Variants in ZHX3 observed in about 807,000 individuals in gnomAD.
ZHX3 encodes the protein zinc fingers and homeoboxes 3.
Under a neutral mutation model 64.5 loss-of-function variants are expected in ZHX3, and 20 were observed. The observed-to-expected ratio is 0.31, with a 90% CI of 0.22 to 0.45. The LOEUF (loss-of-function observed/expected upper bound fraction) is 0.45, where lower values mean the gene tolerates loss of function less well. ZHX3 is among the 20% of genes least tolerant of loss of function. The probability of loss-of-function intolerance (pLI) is 1.00; values close to 1 mark genes in which losing one functional copy is unlikely to be tolerated. For missense variants in ZHX3, 1,041 were observed against 1,195.8 expected, an observed-to-expected ratio of 0.87 and a Z score of 1.91; for synonymous variants, 423 against 461.6, an observed-to-expected ratio of 0.92 and a Z score of 1.07.
chr20:41,238,013 C>T (rs896689952), intron 2 of ZHX3, among the ~76,000 whole-genome samples: 6 of 152,196 alleles, frequency 3.9e-5, no homozygotes, highest in African/African-American at 1.4e-4. Context: ...CAGTGCTGCA[C>T]CACTCAGCTA....
intron 2 of ZHX3, among the ~76,000 whole-genome samples, chr20:41,259,183 A>C (rs147001657): frequency 1.8e-4 from 28 of 152,292 alleles, no homozygotes; most frequent in African/African-American, 6.0e-4. Flanking sequence ...ACTTTGGGCA[A>C]GTTGCCTAAT....
intron 2 of ZHX3, among the ~76,000 whole-genome samples, chr20:41,240,758 T>C (rs2041329066): frequency 1.3e-5 from 2 of 152,212 alleles, no homozygotes; most frequent in Non-Finnish European, 2.9e-5. Flanking sequence ...ACTGAGAACA[T>C]GCAAAGTTTG....
At chr20:41,246,166 A>G (rs1432066480) in intron 2 of ZHX3, among the ~76,000 whole-genome samples, 2 of 152,254 alleles carry the variant, frequency 1.3e-5, no homozygotes, top group Non-Finnish European at 2.9e-5. Flanking sequence ...AGAATCATTC[A>G]TTCGTCCTGG....
intron 2 of ZHX3, among the ~76,000 whole-genome samples, chr20:41,233,606 C>A (rs2040769143): frequency 6.6e-6 from 1 of 152,138 alleles, no homozygotes; most frequent in South Asian, 2.1e-4. Flanking sequence ...ATTCACAGTG[C>A]AGTAGGGGAA....
At chr20:41,313,364 C>G (rs968427055) in intron 1 of ZHX3, among the ~76,000 whole-genome samples, 1 of 151,964 alleles carries the variant, frequency 6.6e-6, no homozygotes, top group Non-Finnish European at 1.5e-5. Context: ...CATCTGCATC[C>G]AGGGGGTTCT....
chr20:41,202,109 C>A lies in ZHX3; in HGVS notation c.2808G>T (p.Glu936Asp), dbSNP rs767257062. The A allele has an allele frequency of 6.2e-7, 1 of 1,613,586 alleles. No homozygotes were observed. Among genetic ancestry groups the A allele is most frequent in the African/African-American group, 1.3e-5 (1 of 75,028 alleles). The change falls in exon 3 of 4, where the codon GAG becomes GAT. Residue 936 changes from glutamate to aspartate, a missense_variant. Glu to Asp is a conservative substitution (Grantham distance 45, BLOSUM62 2). Coordinates refer to ENST00000683867, the MANE Select transcript of ZHX3 (RefSeq NM_001384317.1). This position sits in a 1 kb window ranked among gnomAD's most constrained non-coding sequence, Gnocchi z 7.0. The stretch of plus-strand genomic sequence containing the variant: ...ATGTGTCAAAGGGCTCTGAGCTGGC[C>A]TCAGGGACACGGGGCTCCCACGACT... ...NSESWEPRVP[E>D]ASSEPFDTSS...
In ZHX3 at chr20:41,191,015, T is replaced by C. The variant is rs972774640; in HGVS notation, c.2861-5814A>G. ...ATAATGTGCCATAGAGAATACCTTT[T>C]TGCACTGTATCCATTTAGAGGCTAT... is the stretch of plus-strand genomic sequence containing the variant. On this transcript the variant is annotated intron_variant, in intron 3 of 3. Transcript: ENST00000683867. Among the ~76,000 whole-genome samples, 8 of 152,352 alleles carry C rather than the reference T, an allele frequency of 5.3e-5. No individual in the cohort carries two copies. The East Asian group carries it at 1.3e-3, about 26-fold the overall frequency.
At chr20:41,209,460 G>A (rs2038988846) in intron 2 of ZHX3, among the ~76,000 whole-genome samples, 1 of 152,304 alleles carries the variant, frequency 6.6e-6, no homozygotes. Context: ...CAAGGCTACA[G>A]TAACCAAAAC....
chr20:41,297,602 C>T (rs1489562792), intron 1 of ZHX3, among the ~76,000 whole-genome samples: 1 of 152,152 alleles, frequency 6.6e-6, no homozygotes, highest in Non-Finnish European at 1.5e-5. Flanking sequence ...GTTGTGTTAG[C>T]CTCGGATGGA....
intron 2 of ZHX3, among the ~76,000 whole-genome samples, chr20:41,231,926 C>G (rs147509663): frequency 1.3e-3 from 195 of 152,110 alleles, no homozygotes; most frequent in African/African-American, 4.5e-3. Flanking sequence ...GGTAAAGCAC[C>G]TCCTAATGGT....
At position 41,204,325 on chromosome 20, in the gene ZHX3, T is replaced by G; in HGVS notation, c.592A>C (p.Lys198Gln). ...KIMKGKAEAKKIHTLKENVPS... is the reference protein window; with the variant it reads ...KIMKGKAEAKQIHTLKENVPS... ...ACATTCTCCTTGAGTGTATGAATTT[T>G]TTTGGCTTCAGCTTTGCCTTTCATT... The change falls in exon 3 of 4, where the codon AAA (lysine) becomes CAA (glutamine). Residue 198 changes from lysine (K) to glutamine (Q), a missense_variant. Physicochemically the swap from Lys to Gln is moderately conservative, Grantham distance 53. This residue lies in a region of ZHX3 where 358 missense variants were observed against 369.1 expected (regional missense o/e 0.97). Coordinates refer to ENST00000683867, the MANE Select transcript of ZHX3 (RefSeq NM_001384317.1). This position sits in a 1 kb window ranked among gnomAD's most constrained non-coding sequence, Gnocchi z 6.6. The G allele has an allele frequency of 6.2e-7, 1 of 1,614,216 alleles. No homozygotes were observed. Among genetic ancestry groups the G allele is most frequent in the Non-Finnish European group, 8.5e-7 (1 of 1,180,034 alleles).
intron 2 of ZHX3, among the ~76,000 whole-genome samples, chr20:41,220,891 G>A (rs888013591): frequency 6.6e-6 from 1 of 151,678 alleles, no homozygotes; most frequent in Non-Finnish European, 1.5e-5. Context: ...GTTTCGCCAT[G>A]TTGCCCAGGC....
In ZHX3 at chr20:41,202,074, T is replaced by G; in HGVS notation, c.2843A>C (p.Gln948Pro). 1 of 1,603,398 alleles carries G rather than the reference T, an allele frequency of 6.2e-7. No homozygotes were observed. ...SSEPFDTSSP[Q>P]AGRQLETD ...CTCCTTACCGAGCTGACGTCCAGCC[T>G]GGGGACTCGATGTGTCAAAGGGCTC... is the stretch of plus-strand genomic sequence containing the variant. The change falls in exon 3 of 4, where the codon CAG becomes CCG. Residue 948 changes from glutamine to proline, a missense_variant. Physicochemically the swap from Gln to Pro is moderately conservative, Grantham distance 76. Coordinates refer to ENST00000683867, the MANE Select transcript of ZHX3 (RefSeq NM_001384317.1). The surrounding 1 kb of genome is among the most constrained non-coding windows in gnomAD (Gnocchi z 7.0).
Position 41,201,218 on chromosome 20 carries a change from G to A in ZHX3, c.2860+839C>T. The A allele has an allele frequency of 9.0e-7, 1 of 1,111,316 alleles. No homozygotes were observed. The highest frequency in any genetic ancestry group is 1.2e-6 in the Non-Finnish European group (1 of 847,550). The allele number at this position is 1,111,316 out of a possible 1,614,324, so 68.8% of individuals were successfully genotyped here. ...CCCTCCCACATTGCCAACTCAGCTAGCAATGCTGCCATTTTGGAACCCCCA... is the reference window on the plus strand; with the variant it reads ...CCCTCCCACATTGCCAACTCAGCTAACAATGCTGCCATTTTGGAACCCCCA... On this transcript the variant is annotated intron_variant, in intron 3 of 3. Coordinates refer to ENST00000683867, the MANE Select transcript of ZHX3 (RefSeq NM_001384317.1). This position sits in a 1 kb window ranked among gnomAD's most constrained non-coding sequence, Gnocchi z 5.0.
chr20:41,255,407 T>G (rs1438487438), intron 2 of ZHX3, among the ~76,000 whole-genome samples: 1 of 152,120 alleles, frequency 6.6e-6, no homozygotes, highest in East Asian at 1.9e-4. Context: ...TGCCTCAGCC[T>G]CCCAAAGTGC....
intron 2 of ZHX3, among the ~76,000 whole-genome samples, chr20:41,211,130 A>AAAT (rs928469874): frequency 6.6e-6 from 1 of 152,156 alleles, no homozygotes; most frequent in African/African-American, 2.4e-5. Context: ...ACTCAAAAAG[A>AAAT]AATAATAATA....
rs373170113 is a variant in ZHX3 at position 41,280,744 on chromosome 20, G to C, written c.-244-11661C>G. On this transcript the variant is annotated intron_variant, in intron 1 of 3. Coordinates refer to ENST00000683867, the MANE Select transcript of ZHX3 (RefSeq NM_001384317.1). ...AAAAATTTCTTAATCCTTCAACAGAGGTCTGAATAGCAAAAGGGGCATAAC... is the reference window on the plus strand; with the variant it reads ...AAAAATTTCTTAATCCTTCAACAGACGTCTGAATAGCAAAAGGGGCATAAC... Among the ~76,000 whole-genome samples the C allele has an allele frequency of 5.9e-5, 9 of 152,048 alleles. No homozygotes were observed. In the South Asian group the frequency reaches 1.9e-3, roughly 32 times the overall value.
chr20:41,266,844 CTTTTTTTTTT>C (rs11327834), intron 2 of ZHX3, among the ~76,000 whole-genome samples: 1 of 76,436 alleles, frequency 1.3e-5, no homozygotes, highest in African/African-American at 4.1e-5. Context: ...CGTGCCCGGC[CTTTTTTTTTT>C]TTTTTTTTTT....
intron 2 of ZHX3, among the ~76,000 whole-genome samples, chr20:41,220,895 C>T (rs1473175896): frequency 6.6e-6 from 1 of 151,828 alleles, no homozygotes; most frequent in Non-Finnish European, 1.5e-5. Flanking sequence ...CGCCATGTTG[C>T]CCAGGCTGAT....
Sources: gnomAD v4.1 joint callset for allele counts (sites outside exome capture counted in the v4.1 genomes callset) on GRCh38, gnomAD v4.1.1 for gene constraint, gnomAD v4.1.1 regional missense constraint, Gnocchi (gnomAD v3.1) non-coding constraint, MANE v1.5 for transcripts, NCBI Gene and HGNC (gene_info 2026-07-23, HGNC 2026-07-21) for gene names.